ZNF568: variants seen among roughly 807,000 people sequenced by gnomAD.
ZNF568 encodes p53 inhibitor of SCO2 activation.
A neutral mutation model predicts 18.1 loss-of-function variants in ZNF568; 11 were observed. The ratio of observed to expected loss-of-function variants is 0.61; its 90% confidence interval spans 0.38 to 1.00. The LOEUF is 1.00. Among genes scored for constraint, ZNF568 ranks in the 50% least tolerant of loss-of-function variants. The probability of loss-of-function intolerance (pLI) is 0.01; values close to 1 mark genes in which losing one functional copy is unlikely to be tolerated. For missense variants in ZNF568, 639 were observed against 768.2 expected (o/e 0.83, Z 1.99); for synonymous variants, 213 against 246.6 (o/e 0.86, Z 1.28).
chr19:36,997,447 A>C, downstream of ZNF568: 1 of 1,589,646 alleles, frequency 6.3e-7, no homozygotes, highest in South Asian at 1.1e-5. Flanking sequence ...AAAAGTTCAC[A>C]CTGGGGAGAG....
At chr19:36,961,713 G>C (rs1292144356) in intron 6 of ZNF568, among the ~76,000 whole-genome samples, 1 of 152,032 alleles carries the variant, frequency 6.6e-6, no homozygotes, top group Non-Finnish European at 1.5e-5. Flanking sequence ...AGTAGAGATA[G>C]GGTTGTGCCA....
At position 36,922,827 on chromosome 19, in the gene ZNF568, C is replaced by T; in HGVS notation, c.57C>T (p.Ser19=). 2.5e-6 allele frequency: 4 copies of T among 1,613,912 alleles called. No homozygotes were observed. Among genetic ancestry groups the T allele is most frequent in the Non-Finnish European group, 3.4e-6 (4 of 1,179,912 alleles). Residue 19 remains serine (S), a synonymous_variant, in exon 3 of 7, where the codon AGC becomes AGT. Coordinates refer to ENST00000333987, the MANE Select transcript of ZNF568 (RefSeq NM_198539.4). The stretch of plus-strand genomic sequence containing the variant: ...GCTGTGTGACAATGGAGCGTTTGAG[C>T]CACATGATGGAAAGGAAAGGTGAGG... The part of the protein sequence containing the change: ...SNSCVTMERL[S]HMMERKAWCS...
chr19:36,923,174 T>A (rs1394456654), intron 3 of ZNF568, among the ~76,000 whole-genome samples: 1 of 152,210 alleles, frequency 6.6e-6, no homozygotes, highest in Non-Finnish European at 1.5e-5. Context: ...CTCAATATTC[T>A]GGTATTCACC....
chr19:36,920,111 A>T (rs969189014), intron 2 of ZNF568, among the ~76,000 whole-genome samples: 13 of 152,298 alleles, frequency 8.5e-5, no homozygotes, highest in African/African-American at 3.1e-4. Context: ...CAGTGGGGCC[A>T]GATGTGGAGG....
chr19:36,924,221 T>A (rs1237678961), intron 3 of ZNF568, among the ~76,000 whole-genome samples: 2 of 151,978 alleles, frequency 1.3e-5, no homozygotes, highest in African/African-American at 2.4e-5. Flanking sequence ...TTTTCTAAAT[T>A]ATTTTTTTTG....
chr19:36,968,064 G>A (rs1441983285), intron 6 of ZNF568, among the ~76,000 whole-genome samples: 1 of 152,086 alleles, frequency 6.6e-6, no homozygotes, highest in East Asian at 1.9e-4. Flanking sequence ...TATCTAAGAT[G>A]TCCTACAAAG....
downstream of ZNF568, chr19:36,997,827 TAGC>T (rs918118009): frequency 4.0e-6 from 2 of 505,828 alleles, no homozygotes; most frequent in Non-Finnish European, 7.1e-6. Flanking sequence ...TGTTAGGAAT[TAGC>T]AGGGATTTAT....
intron 6 of ZNF568, among the ~76,000 whole-genome samples, chr19:36,966,734 C>G (rs1003278872): frequency 1.1e-4 from 17 of 152,180 alleles, no homozygotes; most frequent in Non-Finnish European, 2.1e-4. Flanking sequence ...CTTTTCCTTG[C>G]TCTTGCTTCA....
chr19:36,934,206 A>T (rs181027651), intron 4 of ZNF568, among the ~76,000 whole-genome samples: 7 of 148,286 alleles, frequency 4.7e-5, no homozygotes, highest in Non-Finnish European at 4.5e-5. Context: ...GATTCTCTCT[A>T]ATGTTTTTCT....
downstream of ZNF568, among the ~76,000 whole-genome samples, chr19:36,957,219 C>CTTT (rs56712509): frequency 4.3e-5 from 3 of 69,568 alleles, no homozygotes; most frequent in African/African-American, 1.0e-4. Flanking sequence ...CCAGACTGTT[C>CTTT]TTTTTTTTTT....
chr19:36,949,583 A>C lies in ZNF568; in HGVS notation c.430A>C (p.Lys144Gln). ...TLVRKVTSISKKILIKEKVIE... is the reference protein window; with the variant it reads ...TLVRKVTSISQKILIKEKVIE... ...TGTGAGGAAAGTCACATCCATCTCC[A>C]AGAAAATTCTGATAAAGGAAAAAGT... Residue 144 changes from lysine (K) to glutamine (Q), a missense_variant, in exon 7 of 7, where the codon AAG (lysine) becomes CAG (glutamine). Coordinates refer to ENST00000333987, the MANE Select transcript of ZNF568 (RefSeq NM_198539.4). 1 of 1,613,196 alleles carries C rather than the reference A, an allele frequency of 6.2e-7. No homozygotes were observed. Among genetic ancestry groups the C allele is most frequent in the Non-Finnish European group, 8.5e-7 (1 of 1,179,618 alleles).
intron 6 of ZNF568, among the ~76,000 whole-genome samples, chr19:36,958,925 G>A (rs2074128513): frequency 6.6e-6 from 1 of 151,940 alleles, no homozygotes; most frequent in South Asian, 2.1e-4. Context: ...CCAGCCAGGT[G>A]GAGTCTTTAG....
intron 6 of ZNF568, among the ~76,000 whole-genome samples, chr19:36,962,716 T>TGG (rs2074165097): frequency 2.0e-5 from 3 of 152,226 alleles, no homozygotes; most frequent in Non-Finnish European, 4.4e-5. Flanking sequence ...GGTCTATTTC[T>TGG]CCTTTGTTTA....
intron 3 of ZNF568, chr19:36,991,696 T>C: frequency 7.1e-7 from 1 of 1,416,476 alleles, no homozygotes; most frequent in Non-Finnish European, 9.5e-7. Context: ...AATTAGGGAC[T>C]GATTTTTAAT....
intron 6 of ZNF568, among the ~76,000 whole-genome samples, chr19:36,959,705 T>C (rs2074133572): frequency 6.6e-6 from 1 of 152,210 alleles, no homozygotes; most frequent in South Asian, 2.1e-4. Context: ...TGTTCAGATT[T>C]TATATTTCCT....
intron 2 of ZNF568, among the ~76,000 whole-genome samples, chr19:36,921,330 G>A (rs747314635): frequency 4.9e-4 from 75 of 151,914 alleles, no homozygotes; most frequent in Non-Finnish European, 9.1e-4. Flanking sequence ...GCGTGGTGGC[G>A]CATGCCTGTA....
intron 4 of ZNF568, among the ~76,000 whole-genome samples, chr19:36,935,153 ATG>A (rs1270812533): frequency 1.3e-5 from 2 of 152,156 alleles, no homozygotes; most frequent in Admixed American, 6.5e-5. Flanking sequence ...CTTGAGAAGA[ATG>A]TATATTCTGT....
At chr19:36,941,689 TA>T (rs1242633147) in intron 6 of ZNF568, among the ~76,000 whole-genome samples, 1 of 152,216 alleles carries the variant, frequency 6.6e-6, no homozygotes, top group East Asian at 1.9e-4. Context: ...TCATGACAGT[TA>T]ATCTAGGCAA....
chr19:36,983,129 T>C (rs2057715205), downstream of ZNF568, among the ~76,000 whole-genome samples: 1 of 152,222 alleles, frequency 6.6e-6, no homozygotes, highest in East Asian at 1.9e-4. Flanking sequence ...CATAACCACA[T>C]TCATCCATTT....
Sources: allele counts gnomAD v4.1 joint callset (sites outside exome capture counted in the v4.1 genomes callset), GRCh38; gene constraint gnomAD v4.1.1; transcripts MANE v1.5; gene names NCBI Gene and HGNC (gene_info 2026-07-23, HGNC 2026-07-21).